Variants in SOX6 observed in about 807,000 individuals in gnomAD.
SOX6 encodes SRY-box transcription factor 6, also known as transcription factor SOX-6.
In SOX6, 11 loss-of-function variants were observed where a neutral mutation model predicts 97.8. That is an observed-to-expected ratio of 0.11 (90% CI 0.07 to 0.19). The LOEUF is 0.19. Among genes scored for constraint, SOX6 ranks in the 10% least tolerant of loss-of-function variants. The pLI, the probability that SOX6 is intolerant of heterozygous loss-of-function variation, is 1.00. For synonymous variants in SOX6, 360 were observed against 371.4 expected, an observed-to-expected ratio of 0.97 and a Z score of 0.35; for missense variants, 810 against 1,039.5, an observed-to-expected ratio of 0.78 and a Z score of 3.04.
intron 3 of SOX6, among the ~76,000 whole-genome samples, chr11:16,305,568 T>C (rs541909949): frequency 6.6e-6 from 1 of 152,116 alleles, no homozygotes; most frequent in Non-Finnish European, 1.5e-5. Flanking sequence ...TCCAAATAAA[T>C]GAAAATTTAT....
chr11:15,980,898 T>G (rs1468767670), intron 15 of SOX6, among the ~76,000 whole-genome samples: 1 of 152,202 alleles, frequency 6.6e-6, no homozygotes, highest in East Asian at 1.9e-4. Context: ...TAAGACACTA[T>G]TATATGCTAA....
At chr11:16,473,989 T>C (rs945792038) in intron 1 of SOX6, among the ~76,000 whole-genome samples, 4 of 152,220 alleles carry the variant, frequency 2.6e-5, no homozygotes, top group African/African-American at 9.6e-5. Flanking sequence ...AAATCCTTTG[T>C]TGTCATTTAA....
At chr11:16,499,243 A>T (rs548663343) in intron 4 of SOX6, among the ~76,000 whole-genome samples, 1 of 152,342 alleles carries the variant, frequency 6.6e-6, no homozygotes, top group East Asian at 1.9e-4. Flanking sequence ...TGAAATAAAG[A>T]TGTTCTTTGA....
At chr11:16,250,951 A>G (rs1349546214) in intron 3 of SOX6, among the ~76,000 whole-genome samples, 1 of 152,186 alleles carries the variant, frequency 6.6e-6, no homozygotes, top group Non-Finnish European at 1.5e-5. Context: ...TTTTAAAACC[A>G]TAGAGTGTAT....
chr11:16,275,434 C>A (rs1854371067), intron 3 of SOX6, among the ~76,000 whole-genome samples: 1 of 151,708 alleles, frequency 6.6e-6, no homozygotes, highest in African/African-American at 2.4e-5. Flanking sequence ...CCAGCCTGGG[C>A]GAAAGAGCGA....
intron 11 of SOX6, 105 bp from the exon 12 acceptor site, chr11:16,046,806 G>A (rs1341503562): frequency 1.1e-5 from 13 of 1,165,194 alleles, no homozygotes; most frequent in Admixed American, 1.9e-5. Flanking sequence ...GAACAAGGAA[G>A]GGGTGCACAT....
chr11:16,552,391 C>G (rs1847699197), intron 4 of SOX6, among the ~76,000 whole-genome samples: 1 of 152,136 alleles, frequency 6.6e-6, no homozygotes, highest in African/African-American at 2.4e-5. Flanking sequence ...CAAAGGTCAC[C>G]CTCATTTCCC....
chr11:16,293,097 G>A (rs185714056), intron 3 of SOX6, among the ~76,000 whole-genome samples: 265 of 152,258 alleles, frequency 1.7e-3, no homozygotes, highest in Non-Finnish European at 3.2e-3. Flanking sequence ...ATATGCTTTT[G>A]TAAATTGTCA....
At chr11:16,347,650 T>C (rs1201786856) in intron 1 of SOX6, among the ~76,000 whole-genome samples, 1 of 152,098 alleles carries the variant, frequency 6.6e-6, no homozygotes, top group Non-Finnish European at 1.5e-5. Context: ...AACTGGCCCA[T>C]TAATATGGAA....
At chr11:16,042,456 T>C (rs1243849386) in intron 12 of SOX6, among the ~76,000 whole-genome samples, 1 of 152,210 alleles carries the variant, frequency 6.6e-6, no homozygotes, top group African/African-American at 2.4e-5. Flanking sequence ...ATTTATTACC[T>C]GCTTTATTTC....
intron 3 of SOX6, among the ~76,000 whole-genome samples, chr11:16,633,258 G>A (rs1360770277): frequency 1.3e-5 from 2 of 152,178 alleles, no homozygotes; most frequent in African/African-American, 4.8e-5. Context: ...AAGTGACACT[G>A]AGCACAGTTT....
intron 13 of SOX6, among the ~76,000 whole-genome samples, chr11:16,002,188 C>T (rs1854426396): frequency 6.6e-6 from 1 of 152,144 alleles, no homozygotes; most frequent in Admixed American, 6.5e-5. Flanking sequence ...TTATAAAGTG[C>T]CATATGTGAA....
At chr11:16,370,028 A>G (rs527592550) in intron 1 of SOX6, among the ~76,000 whole-genome samples, 1 of 152,024 alleles carries the variant, frequency 6.6e-6, no homozygotes, top group Non-Finnish European at 1.5e-5. Context: ...AAGTACCAGC[A>G]CCAGCTGGCC....
At chr11:16,571,397 C>T (rs1462541249) in intron 4 of SOX6, among the ~76,000 whole-genome samples, 1 of 152,026 alleles carries the variant, frequency 6.6e-6, no homozygotes, top group African/African-American at 2.4e-5. Flanking sequence ...ACAGCAAAGA[C>T]CTTTATGTTC....
chr11:16,136,186 T>C (rs982449643), intron 6 of SOX6, among the ~76,000 whole-genome samples: 2 of 151,798 alleles, frequency 1.3e-5, no homozygotes, highest in African/African-American at 4.8e-5. Context: ...GCCCAGCTAA[T>C]TTTTTTGTAT....
At chr11:16,258,736 A>C (rs1235910391) in intron 3 of SOX6, among the ~76,000 whole-genome samples, 1 of 151,926 alleles carries the variant, frequency 6.6e-6, no homozygotes, top group African/African-American at 2.4e-5. Context: ...TGATGTCAAC[A>C]TAAGTTTATC....
At chr11:16,126,293 T>C (rs1366144481) in intron 6 of SOX6, among the ~76,000 whole-genome samples, 2 of 152,018 alleles carry the variant, frequency 1.3e-5, no homozygotes, top group Non-Finnish European at 2.9e-5. Flanking sequence ...ACATGACAGT[T>C]CCCCCAAATG....
At chr11:16,503,852 G>T (rs1047146440) in intron 4 of SOX6, among the ~76,000 whole-genome samples, 34 of 152,074 alleles carry the variant, frequency 2.2e-4, no homozygotes, top group Middle Eastern at 3.4e-3. Context: ...AAACCATCCT[G>T]GCTAACAAGG....
intron 9 of SOX6, among the ~76,000 whole-genome samples, chr11:16,059,082 C>A (rs147403654): frequency 6.6e-6 from 1 of 152,160 alleles, no homozygotes; most frequent in Non-Finnish European, 1.5e-5. Flanking sequence ...TAGGTATCAG[C>A]TTTCTCTTTT....
Sources: gnomAD v4.1 joint callset for allele counts (sites outside exome capture counted in the v4.1 genomes callset) on GRCh38, gnomAD v4.1.1 for gene constraint, MANE v1.5 for transcripts, NCBI Gene and HGNC (gene_info 2026-07-23, HGNC 2026-07-21) for gene names.